Variants in PALMD observed in about 807,000 individuals in gnomAD.
PALMD encodes the protein palmdelphin, also known as paralemmin-like protein.
A neutral mutation model predicts 56.2 loss-of-function variants in PALMD; 42 were observed. The ratio of observed to expected loss-of-function variants is 0.75; its 90% confidence interval spans 0.58 to 0.97. PALMD has a LOEUF of 0.97. Among genes scored for constraint, PALMD ranks in the 50% least tolerant of loss-of-function variants. The probability of loss-of-function intolerance (pLI) is 0.00; values close to 1 mark genes in which losing one functional copy is unlikely to be tolerated. For missense variants in PALMD, 660 were observed against 643.8 expected (o/e 1.03, Z -0.27); for synonymous variants, 242 against 222.9 (o/e 1.09, Z -0.76).
chr1:99,653,292 C>A (rs991140898), intron 1 of PALMD, among the ~76,000 whole-genome samples: 1 of 152,074 alleles, frequency 6.6e-6, no homozygotes, highest in Non-Finnish European at 1.5e-5. Flanking sequence ...ACTGAAGACC[C>A]GGCCAAATTT....
At chr1:99,661,839 A>G (rs1652853313) in intron 1 of PALMD, among the ~76,000 whole-genome samples, 1 of 152,330 alleles carries the variant, frequency 6.6e-6, no homozygotes, top group African/African-American at 2.4e-5. Context: ...CTATGCAAGG[A>G]GGAAACAGTC....
chr1:99,670,857 C>T (rs556506222), intron 3 of PALMD, among the ~76,000 whole-genome samples: 1 of 152,176 alleles, frequency 6.6e-6, no homozygotes, highest in Non-Finnish European at 1.5e-5. Context: ...GATAATGGAA[C>T]GTTTTCTTCT....
chr1:99,660,195 T>TGAGGGAGAAGAAAAA (rs1490688276), intron 1 of PALMD, among the ~76,000 whole-genome samples: 1 of 152,236 alleles, frequency 6.6e-6, no homozygotes, highest in Non-Finnish European at 1.5e-5. Flanking sequence ...TGCTGCCTCC[T>TGAGGGAGAAGAAAAA]GGCCACAGTA....
At chr1:99,676,409 G>A (rs1653214516) in intron 3 of PALMD, among the ~76,000 whole-genome samples, 1 of 151,992 alleles carries the variant, frequency 6.6e-6, no homozygotes, top group African/African-American at 2.4e-5. Context: ...AATTTTTGTA[G>A]ATGTAGGGGG....
chr1:99,656,353 A>G (rs1374334870), intron 1 of PALMD, among the ~76,000 whole-genome samples: 10 of 150,880 alleles, frequency 6.6e-5, no homozygotes, highest in Admixed American at 6.1e-4. Flanking sequence ...TCCTAAGAAC[A>G]CTGTTAGCAC....
intron 1 of PALMD, among the ~76,000 whole-genome samples, chr1:99,657,689 G>A (rs1652756911): frequency 6.6e-6 from 1 of 152,138 alleles, no homozygotes; most frequent in South Asian, 2.1e-4. Flanking sequence ...ATGCCATTCA[G>A]TATTAGCTAC....
In PALMD at chr1:99,683,142, GAAAGAAAGAAAGAAAGAAAGAAA is replaced by G. The variant is rs1557674072; in HGVS notation, c.252-3533_252-3511del. 966 of 123,622 alleles carry G rather than the reference GAAAGAAAGAAAGAAAGAAAGAAA, an allele frequency of 7.8e-3. 46 individuals carry two copies. The highest frequency in any genetic ancestry group is 0.019 in the African/African-American group (473 of 25,004). 7.7% of individuals were successfully genotyped at this position (123,622 alleles called of 1,614,324 possible). ...AGAAAGAAAGAAAGAAAGAAAGAAA[GAAAGAAAGAAAGAAAGAAAGAAA>G]GAAACGAACACCCTATGAAGTTGTT... On this transcript the variant is annotated intron_variant, in intron 3 of 7. Coordinates refer to ENST00000263174, the MANE Select transcript of PALMD (RefSeq NM_017734.5).
At chr1:99,657,644 A>T (rs1191219147) in intron 1 of PALMD, among the ~76,000 whole-genome samples, 1 of 152,098 alleles carries the variant, frequency 6.6e-6, no homozygotes, top group African/African-American at 2.4e-5. Context: ...ATTGCTCCTT[A>T]TCTCAATATG....
At chr1:99,669,563 C>T (rs1416140958) in intron 3 of PALMD, 1 of 152,338 alleles carries the variant, frequency 6.6e-6, no homozygotes, top group East Asian at 1.9e-4. Flanking sequence ...TGCTTCCCCT[C>T]AAAACCTCCT....
At chr1:99,683,046 AAGAAAGAAAGAG>A (rs1653389845) in intron 3 of PALMD, among the ~76,000 whole-genome samples, 3 of 19,150 alleles carry the variant, frequency 1.6e-4, no homozygotes, top group Non-Finnish European at 3.3e-4. Context: ...GAAAGAAAGA[AAGAAAGAAAGAG>A]AGAGAGAGAG....
At chr1:99,667,960 C>A (rs1653004862) in intron 3 of PALMD, 194 bp downstream of exon 3, 2 of 490,194 alleles carry the variant, frequency 4.1e-6, no homozygotes. Context: ...CTCACGGCAA[C>A]TTCCACTCCC....
chr1:99,680,744 A>G (rs1653322229), intron 3 of PALMD, among the ~76,000 whole-genome samples: 1 of 152,188 alleles, frequency 6.6e-6, no homozygotes, highest in Non-Finnish European at 1.5e-5. Flanking sequence ...TTTTAATTTT[A>G]CATATATATG....
At position 99,689,321 on chromosome 1, in the gene PALMD, C is replaced by G; in HGVS notation, c.1061C>G (p.Ser354Trp). ...QKRLMTPWEE[S>W]NVMQDKDAPS... Reference sequence around the variant, plus strand: ...AGGCTAATGACTCCTTGGGAAGAATCGAATGTCATGCAGGACAAAGATGCA... The same window carrying G: ...AGGCTAATGACTCCTTGGGAAGAATGGAATGTCATGCAGGACAAAGATGCA... Residue 354 changes from serine (S) to tryptophan (W), a missense_variant, in exon 7 of 8, where the codon TCG becomes TGG. Physicochemically the swap from Ser to Trp is radical, Grantham distance 177. Transcript: ENST00000263174. 1 of 1,613,520 alleles carries G rather than the reference C, an allele frequency of 6.2e-7. No individual in the cohort carries two copies. Among genetic ancestry groups the G allele is most frequent in the Non-Finnish European group, 8.5e-7 (1 of 1,179,802 alleles).
intron 1 of PALMD, among the ~76,000 whole-genome samples, chr1:99,655,453 G>C (rs962652341): frequency 2.6e-5 from 4 of 151,748 alleles, no homozygotes; most frequent in African/African-American, 4.8e-5. Context: ...CCTATTCCTT[G>C]TCTAAATACC....
intron 3 of PALMD, 73 bp from the exon 4 acceptor site, chr1:99,686,603 T>TTCCA: frequency 1.4e-6 from 1 of 713,032 alleles, no homozygotes; most frequent in Non-Finnish European, 2.4e-6. Context: ...ACTTTATATA[T>TTCCA]GGGGAAGACA....
chr1:99,646,251 C>A lies in PALMD; in HGVS notation c.-67C>A. ...TTCTGTCACCCCCGCTCCTCTCCCC[C>A]AGGAGGCTCCTTGATTTATGGTAGC... is the stretch of plus-strand genomic sequence containing the variant. On this transcript the variant is annotated 5_prime_UTR_variant, in exon 1 of 8. Coordinates refer to ENST00000263174, the MANE Select transcript of PALMD (RefSeq NM_017734.5). 7.8e-7 allele frequency: 1 copy of A among 1,287,920 alleles called. No individual in the cohort carries two copies. Among genetic ancestry groups the A allele is most frequent in the Admixed American group, 1.7e-5 (1 of 59,502 alleles). 79.8% of individuals were successfully genotyped at this position (1,287,920 alleles called of 1,614,324 possible). A position where few individuals can be genotyped will look rare whatever the true frequency, so the allele number is the denominator to read the frequency against.
At chr1:99,682,094 T>G (rs182792112) in intron 3 of PALMD, among the ~76,000 whole-genome samples, 2 of 152,298 alleles carry the variant, frequency 1.3e-5, no homozygotes, top group East Asian at 3.9e-4. Context: ...TCTCATCATT[T>G]CCATTAGCAT....
At chr1:99,690,439 C>A (rs1011400612) in intron 7 of PALMD, among the ~76,000 whole-genome samples, 3 of 151,914 alleles carry the variant, frequency 2.0e-5, no homozygotes, top group Admixed American at 6.6e-5. Flanking sequence ...TTTTCTATAA[C>A]CTTTAACTTT....
chr1:99,659,898 T>C (rs1325768911), intron 1 of PALMD, among the ~76,000 whole-genome samples: 2 of 152,208 alleles, frequency 1.3e-5, no homozygotes, highest in Non-Finnish European at 2.9e-5. Flanking sequence ...GCAACCCTTG[T>C]ATAAGCCTGG....
Sources: allele counts gnomAD v4.1 joint callset (sites outside exome capture counted in the v4.1 genomes callset), GRCh38; gene constraint gnomAD v4.1.1; transcripts MANE v1.5; gene names NCBI Gene and HGNC (gene_info 2026-07-23, HGNC 2026-07-21).